The following CCDC40 variants were observed in gnomAD, a reference collection of about 807,000 sequenced individuals.
CCDC40 encodes coiled-coil domain-containing protein 40.
A neutral mutation model predicts 124.5 loss-of-function variants in CCDC40; 104 were observed. The observed-to-expected ratio is 0.84, with a 90% CI of 0.71 to 0.98. CCDC40 has a LOEUF of 0.98. CCDC40 is among the 50% of genes least tolerant of loss of function. The probability of loss-of-function intolerance (pLI) is 0.00; values close to 1 mark genes in which losing one functional copy is unlikely to be tolerated. For missense variants in CCDC40, 1,463 were observed against 1,503.9 expected (o/e 0.97, Z 0.45); for synonymous variants, 580 against 602.9 (o/e 0.96, Z 0.56).
At chr17:80,085,942 T>A (rs2038577487) in intron 13 of CCDC40, 61 bp from the exon 14 acceptor site, 1 of 1,483,024 alleles carries the variant, frequency 6.7e-7, no homozygotes, top group Non-Finnish European at 9.4e-7. Flanking sequence ...AGTGCTGGAA[T>A]TACAGGCGTG....
At chr17:80,056,907 G>A (rs1194434712) in intron 7 of CCDC40, among the ~76,000 whole-genome samples, 3 of 151,438 alleles carry the variant, frequency 2.0e-5, no homozygotes, top group Admixed American at 6.6e-5. Context: ...CGGGCGTGGT[G>A]GCGGGCACCT....
chr17:80,099,523 C>A lies in CCDC40; in HGVS notation c.3181-4C>A, dbSNP rs1211505052. 1 of 1,606,798 alleles carries A rather than the reference C, an allele frequency of 6.2e-7. No homozygotes were observed. Among genetic ancestry groups the A allele is most frequent in the Non-Finnish European group, 8.5e-7 (1 of 1,179,926 alleles). ...CCCTATATGGAGTCTCTTTTCCTAC[C>A]CAGAACCTTTCAGAGATCGTGGCCC... On this transcript the variant is annotated splice_polypyrimidine_tract_variant and splice_region_variant and intron_variant, in intron 19 of 19. Coordinates refer to ENST00000397545, the MANE Select transcript of CCDC40 (RefSeq NM_017950.4).
chr17:80,082,538 C>T (rs971930041), intron 12 of CCDC40, among the ~76,000 whole-genome samples: 2 of 152,158 alleles, frequency 1.3e-5, no homozygotes, highest in African/African-American at 2.4e-5. Flanking sequence ...CCAGAGGCTA[C>T]CACAGGCTCC....
In CCDC40 at chr17:80,066,311, C is replaced by T. The variant is rs934620763; in HGVS notation, c.1562+705C>T. 4.0e-5 allele frequency: 24 copies of T among 593,426 alleles called. No homozygotes were observed. The East Asian group carries it at 6.6e-4, about 16-fold the overall frequency. 36.8% of individuals were successfully genotyped at this position (593,426 alleles called of 1,614,324 possible). ...CAAGGAATGAGGGTCTGGCTGGCCC[C>T]ACAGCACCCGCAGCCAGGCAGCCAG... On this transcript the variant is annotated intron_variant, in intron 10 of 19. Coordinates refer to ENST00000397545, the MANE Select transcript of CCDC40 (RefSeq NM_017950.4). This position sits in a 1 kb window ranked among gnomAD's most constrained non-coding sequence, Gnocchi z 4.4.
intron 4 of CCDC40, among the ~76,000 whole-genome samples, chr17:80,047,954 T>C (rs1003783581): frequency 4.6e-5 from 7 of 152,148 alleles, no homozygotes; most frequent in Admixed American, 6.6e-5. Context: ...GCAAATGACA[T>C]GAAAACAGCA....
chr17:80,089,744 T>C lies in CCDC40; in HGVS notation c.2712-20T>C, dbSNP rs777129195. 6.2e-7 allele frequency: 1 copy of C among 1,614,120 alleles called. No individual in the cohort carries two copies. The highest frequency in any genetic ancestry group is 2.2e-5 in the East Asian group (1 of 44,868). Reference sequence around the variant, plus strand: ...GAAGAAAACTCCTAATTTCTTACACTGCCTCTCCTACCTCTAAAGACACCA... The same window carrying C: ...GAAGAAAACTCCTAATTTCTTACACCGCCTCTCCTACCTCTAAAGACACCA... On this transcript the variant is annotated intron_variant, in intron 16 of 19. Coordinates refer to ENST00000397545, the MANE Select transcript of CCDC40 (RefSeq NM_017950.4).
At chr17:80,067,615 C>T (rs1406673620) in intron 10 of CCDC40, 7 of 1,536,136 alleles carry the variant, frequency 4.6e-6, no homozygotes, top group Non-Finnish European at 5.2e-6. Flanking sequence ...CTGCCCGGGG[C>T]ATCGAGGGCG....
At chr17:80,055,392 T>C (rs759927840) in intron 7 of CCDC40, among the ~76,000 whole-genome samples, 10 of 152,156 alleles carry the variant, frequency 6.6e-5, no homozygotes, top group Non-Finnish European at 1.2e-4. Flanking sequence ...AGTAATATAG[T>C]TAGGAATTAC....
At chr17:80,039,438 AG>A (rs773350488) in intron 2 of CCDC40, among the ~76,000 whole-genome samples, 1 of 150,124 alleles carries the variant, frequency 6.7e-6, no homozygotes, top group Non-Finnish European at 1.5e-5. Flanking sequence ...TTTGAGACAG[AG>A]TCTCACTCTG....
chr17:80,078,476 T>C (rs1045363040), intron 10 of CCDC40, among the ~76,000 whole-genome samples: 1 of 152,120 alleles, frequency 6.6e-6, no homozygotes, highest in Non-Finnish European at 1.5e-5. Flanking sequence ...ATGAGCGGGG[T>C]CCAGGCTCAG....
intron 2 of CCDC40, among the ~76,000 whole-genome samples, chr17:80,038,824 A>G (rs2037198120): frequency 6.6e-6 from 1 of 152,180 alleles, no homozygotes; most frequent in Non-Finnish European, 1.5e-5. Flanking sequence ...CTCCATCTCA[A>G]AAAATAGATA....
intron 7 of CCDC40, among the ~76,000 whole-genome samples, chr17:80,055,996 A>ATTTTTTT (rs1568682519): frequency 1.8e-4 from 1 of 5,670 alleles, no homozygotes; most frequent in African/African-American, 3.2e-4. Flanking sequence ...ATATATATAT[A>ATTTTTTT]TATATATATA....
intron 12 of CCDC40, among the ~76,000 whole-genome samples, chr17:80,082,467 C>A (rs1440741587): frequency 6.6e-6 from 1 of 151,872 alleles, no homozygotes; most frequent in Non-Finnish European, 1.5e-5. Context: ...TTCTTTGCCT[C>A]TTCCCGAGGG....
chr17:80,069,769 AAG>A (rs1252243050), intron 10 of CCDC40, among the ~76,000 whole-genome samples: 3 of 151,618 alleles, frequency 2.0e-5, no homozygotes, highest in Non-Finnish European at 4.4e-5. Flanking sequence ...AAGAAAGAAA[AAG>A]AAAAAAAAGA....
intron 9 of CCDC40, among the ~76,000 whole-genome samples, chr17:80,059,488 TAAAAA>T (rs538629976): frequency 4.1e-5 from 5 of 120,856 alleles, no homozygotes; most frequent in Admixed American, 9.0e-5. Context: ...TACTGCAACT[TAAAAA>T]AAAAAAAAAA....
Position 80,039,887 on chromosome 17 carries a change from A to C in CCDC40, c.169A>C (p.Thr57Pro). ...TAGCACAGAGCATCCTGAGGAAGTC[A>C]CAACCCAAGCGGAAGCTGCAATTGA... ...VGSTEHPEEV[T>P]TQAEAAIEEG... is the part of the protein sequence containing the mutation. Residue 57 changes from threonine to proline, a missense_variant, in exon 3 of 20, where the codon ACA becomes CCA. Coordinates refer to ENST00000397545, the MANE Select transcript of CCDC40 (RefSeq NM_017950.4). 6.2e-7 allele frequency: 1 copy of C among 1,613,944 alleles called. No individual in the cohort carries two copies. The highest frequency in any genetic ancestry group is 1.1e-5 in the South Asian group (1 of 91,068).
Position 80,058,795 on chromosome 17 carries a change from TGGA to T in CCDC40, c.1318-61_1318-59del. 6.2e-7 allele frequency: 1 copy of T among 1,612,978 alleles called. No homozygotes were observed. The highest frequency in any genetic ancestry group is 1.1e-5 in the South Asian group (1 of 91,014). ...GGCGTCAACTTGTATCAAGGGTTGGTGGAGAACAGGCCCTCAGCCACGGGCACC... is the reference window on the plus strand; with the variant it reads ...GGCGTCAACTTGTATCAAGGGTTGGTGAACAGGCCCTCAGCCACGGGCACC... On this transcript the variant is annotated intron_variant, in intron 8 of 19. Coordinates refer to ENST00000397545, the MANE Select transcript of CCDC40 (RefSeq NM_017950.4). The surrounding 1 kb of genome is among the most constrained non-coding windows in gnomAD (Gnocchi z 4.2).
Position 80,097,266 on chromosome 17 carries a change from A to G in CCDC40, c.3043A>G (p.Thr1015Ala). ...VRKATDECTK[T>A]VLELEETQRN... Reference sequence around the variant, plus strand: ...CTAGGCCACCGATGAGTGCACCAAAACCGTCCTGGAACTGGAAGAAACACA... The same window carrying G: ...CTAGGCCACCGATGAGTGCACCAAAGCCGTCCTGGAACTGGAAGAAACACA... The change falls in exon 19 of 20, where the codon ACC (threonine) becomes GCC (alanine). Residue 1015 changes from threonine to alanine, a missense_variant. Thr to Ala is a moderately conservative substitution (Grantham distance 58). Transcript: ENST00000397545. 6.2e-7 allele frequency: 1 copy of G among 1,613,848 alleles called. No individual in the cohort carries two copies. The highest frequency in any genetic ancestry group is 8.5e-7 in the Non-Finnish European group (1 of 1,180,002).
At chr17:80,047,463 T>G (rs1281872056) in intron 4 of CCDC40, 61 bp downstream of exon 4, 1 of 1,559,508 alleles carries the variant, frequency 6.4e-7, no homozygotes, top group Non-Finnish European at 8.7e-7. Context: ...CAGGCCCTTC[T>G]GTGCAAGGGA....
Sources: gnomAD v4.1 joint callset for allele counts (sites outside exome capture counted in the v4.1 genomes callset) on GRCh38, gnomAD v4.1.1 for gene constraint, Gnocchi (gnomAD v3.1) non-coding constraint, MANE v1.5 for transcripts, NCBI Gene and HGNC (gene_info 2026-07-23, HGNC 2026-07-21) for gene names.